TMEM132B: variants seen among roughly 807,000 people sequenced by gnomAD.
TMEM132B encodes transmembrane protein 132B.
A neutral mutation model predicts 90.8 loss-of-function variants in TMEM132B; 18 were observed. That is an observed-to-expected ratio of 0.20 (90% CI 0.14 to 0.29). TMEM132B has a LOEUF of 0.29. Ranked by LOEUF, TMEM132B falls within the 10% of genes least tolerant of loss-of-function variation. TMEM132B has a pLI of 1.00. For missense variants in TMEM132B, 1,096 were observed against 1,326.8 expected (o/e 0.83, Z 2.70); for synonymous variants, 504 against 523.3 (o/e 0.96, Z 0.50).
At chr12:125,281,921 G>A (rs986001330) in intron 1 of TMEM132B, among the ~76,000 whole-genome samples, 3 of 150,924 alleles carry the variant, frequency 2.0e-5, no homozygotes, top group African/African-American at 4.9e-5. Context: ...CCAGCTACTC[G>A]GGAGGCTGAG....
At chr12:125,567,297 T>G (rs1884682132) in intron 4 of TMEM132B, among the ~76,000 whole-genome samples, 1 of 152,224 alleles carries the variant, frequency 6.6e-6, no homozygotes, top group Non-Finnish European at 1.5e-5. Flanking sequence ...GCTGTCATTC[T>G]CTGTCTATAG....
At chr12:125,256,753 ATAT>A (rs757433776) in intron 1 of TMEM132B, among the ~76,000 whole-genome samples, 31 of 152,342 alleles carry the variant, frequency 2.0e-4, no homozygotes, top group East Asian at 1.9e-4. Context: ...CACCAACCTA[ATAT>A]TATAAAAGTG....
chr12:125,530,125 T>A (rs567108853), intron 4 of TMEM132B, among the ~76,000 whole-genome samples: 1 of 152,352 alleles, frequency 6.6e-6, no homozygotes, highest in African/African-American at 2.4e-5. Flanking sequence ...ATGTTGAGTG[T>A]AATATTCTTT....
At chr12:125,422,720 A>G (rs1880203539) in intron 3 of TMEM132B, among the ~76,000 whole-genome samples, 1 of 152,160 alleles carries the variant, frequency 6.6e-6, no homozygotes, top group Admixed American at 6.5e-5. Context: ...GGTGACAGAG[A>G]CAGGGATGCG....
In TMEM132B at chr12:125,492,503, T is replaced by A. The variant is rs892010034; in HGVS notation, c.1107-26936T>A. On this transcript the variant is annotated intron_variant, in intron 3 of 8. Transcript: ENST00000682704. This position sits in a 1 kb window ranked among gnomAD's most constrained non-coding sequence, Gnocchi z 5.8. The stretch of plus-strand genomic sequence containing the variant: ...TGTGCCGCCACCTCCCCAGGGCCTT[T>A]CCCTACCGGCCTCCCCTGGTGTTCC... Among the ~76,000 whole-genome samples, 1 of 152,076 alleles carries A rather than the reference T, an allele frequency of 6.6e-6. No homozygotes were observed. Among genetic ancestry groups the A allele is most frequent in the Non-Finnish European group, 1.5e-5 (1 of 67,990 alleles).
At chr12:125,556,706 A>G (rs375948460) in intron 4 of TMEM132B, among the ~76,000 whole-genome samples, 28 of 152,290 alleles carry the variant, frequency 1.8e-4, no homozygotes, top group African/African-American at 5.5e-4. Flanking sequence ...TTTGCCTCAT[A>G]TGTGTAGCCT....
At chr12:125,523,954 C>T (rs1039047096) in intron 4 of TMEM132B, among the ~76,000 whole-genome samples, 16 of 152,232 alleles carry the variant, frequency 1.1e-4, no homozygotes, top group Admixed American at 3.3e-4. Context: ...TCACAGGCAT[C>T]CTCATCCCCA....
At chr12:125,412,705 G>A (rs958322501) in intron 2 of TMEM132B, among the ~76,000 whole-genome samples, 1 of 152,186 alleles carries the variant, frequency 6.6e-6, no homozygotes, top group Non-Finnish European at 1.5e-5. Context: ...TAGGAAGGAG[G>A]CGGTGTGTGG....
intron 1 of TMEM132B, among the ~76,000 whole-genome samples, chr12:125,322,434 A>G (rs545307836): frequency 6.6e-6 from 1 of 152,352 alleles, no homozygotes; most frequent in East Asian, 1.9e-4. Context: ...ACTAATACAT[A>G]TGTCTACACA....
intron 3 of TMEM132B, among the ~76,000 whole-genome samples, chr12:125,425,397 A>C (rs566360800): frequency 4.6e-5 from 7 of 152,214 alleles, no homozygotes; most frequent in Non-Finnish European, 1.5e-5. Context: ...CAGTTCCCCT[A>C]TTATTAACAT....
chr12:125,488,447 C>A (rs982848965), intron 3 of TMEM132B, among the ~76,000 whole-genome samples: 1 of 152,124 alleles, frequency 6.6e-6, no homozygotes, highest in Non-Finnish European at 1.5e-5. Context: ...GTTTGAGGAA[C>A]CTGGTGGGAG....
chr12:125,552,307 T>C (rs1241053349), intron 4 of TMEM132B, among the ~76,000 whole-genome samples: 1 of 152,186 alleles, frequency 6.6e-6, no homozygotes, highest in Non-Finnish European at 1.5e-5. Flanking sequence ...AGGGTTAATA[T>C]AGGCTAATGG....
At chr12:125,524,303 T>A (rs1883388586) in intron 4 of TMEM132B, among the ~76,000 whole-genome samples, 1 of 152,246 alleles carries the variant, frequency 6.6e-6, no homozygotes, top group Non-Finnish European at 1.5e-5. Flanking sequence ...CTGGATCAGA[T>A]TCAGCTGGCG....
At chr12:125,450,723 C>T (rs189243802) in intron 3 of TMEM132B, among the ~76,000 whole-genome samples, 12 of 152,088 alleles carry the variant, frequency 7.9e-5, no homozygotes, top group African/African-American at 2.2e-4. Flanking sequence ...CCTAACAGAT[C>T]GCTTATTAAT....
At position 125,254,652 on chromosome 12, in the gene TMEM132B, C is replaced by T. The variant is rs1874392569; in HGVS notation, c.67+67786C>T. The stretch of plus-strand genomic sequence containing the variant: ...AAGTGCAAGGTCCTCTCTCCTGGGA[C>T]TTAGGAATGGGCCTAGGAGCCTCTT... On this transcript the variant is annotated intron_variant, in intron 1 of 8. Transcript: ENST00000682704. Among the ~76,000 whole-genome samples the T allele has an allele frequency of 3.3e-5, 5 of 149,616 alleles. 1 individual carries two copies. The South Asian group carries it at 8.6e-4, about 26-fold the overall frequency.
At chr12:125,529,579 C>A (rs527446183) in intron 4 of TMEM132B, among the ~76,000 whole-genome samples, 4 of 152,118 alleles carry the variant, frequency 2.6e-5, no homozygotes, top group Admixed American at 6.5e-5. Flanking sequence ...GGGATTCAGA[C>A]GGGGGTAGCC....
At chr12:125,599,485 G>T (rs1374541337) in intron 5 of TMEM132B, among the ~76,000 whole-genome samples, 3 of 152,160 alleles carry the variant, frequency 2.0e-5, no homozygotes, top group Non-Finnish European at 4.4e-5. Context: ...ACATAAATCT[G>T]ACTCTTACGC....
At chr12:125,378,856 C>T (rs1301435979) in intron 2 of TMEM132B, among the ~76,000 whole-genome samples, 6 of 152,210 alleles carry the variant, frequency 3.9e-5, no homozygotes, top group Non-Finnish European at 8.8e-5. Context: ...TTCACTGAAT[C>T]TTTAATGTCT....
chr12:125,264,824 A>C (rs1874648145), intron 1 of TMEM132B, among the ~76,000 whole-genome samples: 1 of 152,254 alleles, frequency 6.6e-6, no homozygotes, highest in Admixed American at 6.5e-5. Flanking sequence ...GCAAACACCC[A>C]AACGCATGTG....
Sources: allele counts gnomAD v4.1 joint callset (sites outside exome capture counted in the v4.1 genomes callset), GRCh38; gene constraint gnomAD v4.1.1; non-coding constraint Gnocchi (gnomAD v3.1); transcripts MANE v1.5; gene names NCBI Gene and HGNC (gene_info 2026-07-23, HGNC 2026-07-21).